Variants in EYS observed in about 807,000 individuals in gnomAD.
The protein encoded by EYS is protein eyes shut homolog.
Under a neutral mutation model 282.1 loss-of-function variants are expected in EYS, and 250 were observed. That is an observed-to-expected ratio of 0.89 (90% CI 0.80 to 0.98). The LOEUF (loss-of-function observed/expected upper bound fraction) is 0.98. EYS is among the 50% of genes least tolerant of loss of function. EYS has a pLI of 0.00. For synonymous variants in EYS, 1,355 were observed against 1,282.9 expected, an observed-to-expected ratio of 1.06 and a Z score of -1.20; for missense variants, 4,016 against 3,709.0, an observed-to-expected ratio of 1.08 and a Z score of -2.15.
At chr6:63,973,969 AT>A (rs57734461) in intron 35 of EYS, among the ~76,000 whole-genome samples, 53,150 of 151,948 alleles carry the variant, frequency 0.35, 9,349 homozygotes, top group South Asian at 0.38. Context: ...CAGGAAAAAA[AT>A]GTAAGGCTTG....
chr6:64,491,856 A>T (rs755555435), intron 26 of EYS, among the ~76,000 whole-genome samples: 2 of 151,256 alleles, frequency 1.3e-5, no homozygotes, highest in Non-Finnish European at 3.0e-5. Context: ...ATGCAAGAAA[A>T]TAAGATAAAC....
At chr6:64,821,765 G>T (rs771132220) in intron 20 of EYS, 42 bp from the exon 21 acceptor site, 29 of 1,166,974 alleles carry the variant, frequency 2.5e-5, no homozygotes, top group Non-Finnish European at 3.4e-5. Flanking sequence ...ATAAGTAGAT[G>T]TTAAAGCATA....
chr6:64,833,719 T>C (rs191751150), intron 19 of EYS, among the ~76,000 whole-genome samples: 17 of 152,052 alleles, frequency 1.1e-4, no homozygotes, highest in East Asian at 7.8e-4. Context: ...TAATTGCCAT[T>C]ATTAGTTAAA....
intron 11 of EYS, among the ~76,000 whole-genome samples, chr6:65,317,968 A>G (rs997473683): frequency 4.0e-5 from 6 of 150,586 alleles, no homozygotes; most frequent in African/African-American, 1.5e-4. Context: ...CCGGGGTTCA[A>G]GCAATTCTCC....
intron 22 of EYS, among the ~76,000 whole-genome samples, chr6:64,672,282 G>T (rs1464787520): frequency 6.6e-6 from 1 of 152,178 alleles, no homozygotes. Context: ...AGTGTTGCAA[G>T]ACTCAAATGC....
At chr6:65,402,354 A>G (rs1481721247) in intron 7 of EYS, 124 bp downstream of exon 7, 2 of 576,130 alleles carry the variant, frequency 3.5e-6, no homozygotes, top group East Asian at 3.2e-5. Context: ...TTTAACTTCA[A>G]ATAGAATATT....
chr6:65,391,728 G>C (rs1462293749), intron 7 of EYS, among the ~76,000 whole-genome samples: 1 of 152,120 alleles, frequency 6.6e-6, no homozygotes, highest in Non-Finnish European at 1.5e-5. Flanking sequence ...TCAATATCAT[G>C]AAAATGGCCA....
chr6:63,815,206 T>C (rs1261701391), intron 36 of EYS, among the ~76,000 whole-genome samples: 2 of 152,216 alleles, frequency 1.3e-5, no homozygotes, highest in African/African-American at 4.8e-5. Flanking sequence ...AGCTGCTAGA[T>C]GCCCTATCTA....
intron 26 of EYS, among the ~76,000 whole-genome samples, chr6:64,578,117 C>G (rs1269837064): frequency 1.3e-5 from 2 of 152,022 alleles, no homozygotes; most frequent in African/African-American, 4.8e-5. Context: ...TATTCCTGCC[C>G]AAACCTCACA....
At chr6:63,785,572 A>G (rs1770339570) in intron 39 of EYS, among the ~76,000 whole-genome samples, 1 of 152,226 alleles carries the variant, frequency 6.6e-6, no homozygotes, top group Non-Finnish European at 1.5e-5. Flanking sequence ...GTTAGTCTCA[A>G]TACCTTTATG....
intron 2 of EYS, among the ~76,000 whole-genome samples, chr6:65,581,950 GAGGC>G (rs1764886462): frequency 1.3e-5 from 2 of 151,906 alleles, no homozygotes; most frequent in Admixed American, 6.6e-5. Context: ...AGCACTTTGG[GAGGC>G]TGAGGCCAGC....
At chr6:65,265,823 A>T (rs1023935707) in intron 12 of EYS, among the ~76,000 whole-genome samples, 11 of 151,932 alleles carry the variant, frequency 7.2e-5, no homozygotes, top group Non-Finnish European at 1.2e-4. Flanking sequence ...ATGCAAACTT[A>T]AGCCATTTAA....
At chr6:65,135,826 C>T (rs554116190) in intron 12 of EYS, among the ~76,000 whole-genome samples, 34 of 152,004 alleles carry the variant, frequency 2.2e-4, no homozygotes, top group African/African-American at 4.3e-4. Flanking sequence ...CTTACTGGAA[C>T]GCAGCTTTAT....
At chr6:63,816,428 C>T (rs912259838) in intron 36 of EYS, among the ~76,000 whole-genome samples, 1 of 152,114 alleles carries the variant, frequency 6.6e-6, no homozygotes, top group East Asian at 1.9e-4. Context: ...TGGTTACTGG[C>T]AATATAAACT....
At chr6:64,342,323 G>A (rs62418072) in intron 29 of EYS, among the ~76,000 whole-genome samples, 50 of 151,738 alleles carry the variant, frequency 3.3e-4, no homozygotes, top group Non-Finnish European at 6.0e-4. Context: ...GAGAAAGGTC[G>A]GGTTACCCAC....
intron 31 of EYS, among the ~76,000 whole-genome samples, chr6:64,102,970 C>A (rs557452480): frequency 4.6e-5 from 7 of 151,968 alleles, no homozygotes; most frequent in African/African-American, 1.7e-4. Context: ...GAGGGCAGAG[C>A]ATTCACATGT....
chr6:64,053,789 C>A (rs1325824059), intron 33 of EYS, among the ~76,000 whole-genome samples: 1 of 152,098 alleles, frequency 6.6e-6, no homozygotes, highest in Non-Finnish European at 1.5e-5. Context: ...ACCTTGAAGG[C>A]CCTCTACTAA....
intron 12 of EYS, among the ~76,000 whole-genome samples, chr6:65,237,259 C>A (rs1368973325): frequency 1.3e-5 from 2 of 152,126 alleles, no homozygotes; most frequent in African/African-American, 4.8e-5. Flanking sequence ...ACTATTCAAA[C>A]ATATACAAGT....
chr6:65,384,006 C>A (rs1176092716), intron 8 of EYS, among the ~76,000 whole-genome samples: 1 of 151,798 alleles, frequency 6.6e-6, no homozygotes, highest in Non-Finnish European at 1.5e-5. Flanking sequence ...AAAGTAATTT[C>A]AAAAACTATT....
Sources: allele counts gnomAD v4.1 joint callset (sites outside exome capture counted in the v4.1 genomes callset), GRCh38; gene constraint gnomAD v4.1.1; transcripts MANE v1.5; gene names NCBI Gene and HGNC (gene_info 2026-07-23, HGNC 2026-07-21).